Variants in ZNF782 observed in about 807,000 individuals in gnomAD.
The protein encoded by ZNF782 is zinc finger protein 782.
A neutral mutation model predicts 13.0 loss-of-function variants in ZNF782; 12 were observed. That is an observed-to-expected ratio of 0.92 (90% CI 0.59 to 1.50). ZNF782 has a LOEUF of 1.50. Ranked by LOEUF, ZNF782 falls within the 40% of genes most tolerant of loss-of-function variation. The probability of loss-of-function intolerance (pLI) is 0.00; values close to 1 mark genes in which losing one functional copy is unlikely to be tolerated. For synonymous variants in ZNF782, 284 were observed against 283.0 expected, an observed-to-expected ratio of 1.00 and a Z score of -0.04; for missense variants, 770 against 822.9, an observed-to-expected ratio of 0.94 and a Z score of 0.79.
the ZNF782 span, chr9:96,892,633 C>T: frequency 6.6e-6 from 1 of 152,224 alleles, no homozygotes; most frequent in Non-Finnish European, 1.5e-5. Flanking sequence ...CTTCCTCCTC[C>T]TCCTTCTCCT....
At chr9:96,846,580 A>G (rs183484654) in intron 3 of ZNF782, among the ~76,000 whole-genome samples, 3 of 152,264 alleles carry the variant, frequency 2.0e-5, no homozygotes, top group Non-Finnish European at 2.9e-5. Flanking sequence ...AAAGAAAATC[A>G]GTAAAAAAAA....
At chr9:96,826,210 T>C (rs1850614547) in intron 5 of ZNF782, among the ~76,000 whole-genome samples, 2 of 152,200 alleles carry the variant, frequency 1.3e-5, no homozygotes, top group Non-Finnish European at 2.9e-5. Flanking sequence ...CATGGAATAC[T>C]ATGCAGCCAT....
At chr9:96,931,919 G>A in the ZNF782 span, 214 of 1,612,072 alleles carry the variant, frequency 1.3e-4, no homozygotes, top group South Asian at 4.5e-4. Context: ...GGATGGCCGC[G>A]GCCCAAGTGG....
Position 96,818,012 on chromosome 9 carries a change from C to A in ZNF782, c.2011G>T (p.Glu671Ter). The A allele has an allele frequency of 6.2e-7, 1 of 1,613,940 alleles. No individual in the cohort carries two copies. The highest frequency in any genetic ancestry group is 1.1e-5 in the South Asian group (1 of 91,028). Reference protein sequence around the residue: ...LRVHQRTHTGEKPYKCDKCGR... With the variant: ...LRVHQRTHTG ...CATTTATCACATTTATAGGGTTTCT[C>A]CCCTGTGTGAGTTCTCTGATGTACT... The change falls in exon 6 of 6, where the codon GAG becomes TAG. Residue 671 changes from glutamate to a stop codon, truncating the protein, a stop_gained. Coordinates refer to ENST00000481138, the MANE Select transcript of ZNF782 (RefSeq NM_001001662.3). LOFTEE classifies it low-confidence loss of function (END_TRUNC).
chr9:96,901,270 C>CTTTTTT, the ZNF782 span, among the ~76,000 whole-genome samples: 3 of 126,912 alleles, frequency 2.4e-5, no homozygotes, highest in Admixed American at 7.9e-5. Context: ...TGAAAAAAAA[C>CTTTTTT]TTTTTTTTTT....
intron 3 of ZNF782, among the ~76,000 whole-genome samples, chr9:96,845,464 G>A (rs147895688): frequency 0.012 from 1,853 of 152,192 alleles, 39 homozygotes; most frequent in African/African-American, 0.043. Context: ...TCACCATGTT[G>A]GCCAGGATGG....
chr9:96,878,414 A>G (rs1355030221), upstream of ZNF782, among the ~76,000 whole-genome samples: 1 of 152,228 alleles, frequency 6.6e-6, no homozygotes, highest in African/African-American at 2.4e-5. Flanking sequence ...GACACTGCAA[A>G]TTTGATTATA....
At chr9:96,880,811 G>A in the ZNF782 span, among the ~76,000 whole-genome samples, 3 of 152,126 alleles carry the variant, frequency 2.0e-5, no homozygotes, top group Non-Finnish European at 4.4e-5. Flanking sequence ...AAGCTGGGAA[G>A]TGTTCTCTCC....
intron 4 of ZNF782, among the ~76,000 whole-genome samples, chr9:96,835,267 G>A (rs1040384609): frequency 1.3e-5 from 2 of 152,148 alleles, no homozygotes; most frequent in Admixed American, 1.3e-4. Context: ...ATCTAAAGAT[G>A]GAATTTATAA....
the ZNF782 span, among the ~76,000 whole-genome samples, chr9:96,931,387 CGA>C: frequency 4.6e-5 from 7 of 152,018 alleles, no homozygotes; most frequent in Admixed American, 2.0e-4. Context: ...ACCAAGCCAC[CGA>C]GAGACTCATC....
chr9:96,831,970 A>G (rs1478892507), intron 4 of ZNF782, among the ~76,000 whole-genome samples: 5 of 152,096 alleles, frequency 3.3e-5, no homozygotes. Flanking sequence ...TCTGTCTTTT[A>G]ATTAGTATAT....
the ZNF782 span, among the ~76,000 whole-genome samples, chr9:96,902,129 A>C: frequency 6.6e-6 from 1 of 151,900 alleles, no homozygotes; most frequent in African/African-American, 2.4e-5. Flanking sequence ...ATGAGGTCAA[A>C]AGTATTCTCA....
chr9:96,893,844 C>T, the ZNF782 span: 3 of 143,662 alleles, frequency 2.1e-5, no homozygotes, highest in Non-Finnish European at 4.4e-5. Flanking sequence ...ACTAAAAATA[C>T]AAAAAATTAG....
intron 3 of ZNF782, among the ~76,000 whole-genome samples, chr9:96,845,684 C>T (rs1851324254): frequency 6.6e-6 from 1 of 152,080 alleles, no homozygotes; most frequent in Non-Finnish European, 1.5e-5. Context: ...AACAAAGTCT[C>T]CAAGAAATAT....
intron 1 of ZNF782, among the ~76,000 whole-genome samples, chr9:96,863,261 C>A (rs1381934667): frequency 6.6e-6 from 1 of 151,592 alleles, no homozygotes; most frequent in Non-Finnish European, 1.5e-5. Context: ...TATTTTCTTT[C>A]AGGAACATTA....
chr9:96,888,475 T>A, the ZNF782 span: 2 of 152,134 alleles, frequency 1.3e-5, no homozygotes, highest in African/African-American at 4.8e-5. Flanking sequence ...TTCTCAGCAA[T>A]TGATAAAACT....
intron 4 of ZNF782, among the ~76,000 whole-genome samples, 177 bp downstream of exon 4, chr9:96,844,713 C>A (rs1403278143): frequency 6.6e-6 from 1 of 152,126 alleles, no homozygotes; most frequent in Admixed American, 6.5e-5. Flanking sequence ...GATTTGTACA[C>A]TGAAAGGTGC....
chr9:96,866,510 G>A (rs1263089914), intron 1 of ZNF782, among the ~76,000 whole-genome samples: 2 of 152,204 alleles, frequency 1.3e-5, no homozygotes, highest in Non-Finnish European at 2.9e-5. Context: ...TGCTGCTGGG[G>A]TGGGGCCCTC....
chr9:96,823,359 G>C (rs1014360837), intron 5 of ZNF782, among the ~76,000 whole-genome samples: 1 of 152,192 alleles, frequency 6.6e-6, no homozygotes, highest in African/African-American at 2.4e-5. Flanking sequence ...TAAAGTCTAT[G>C]TGACCTAATA....
Sources: gnomAD v4.1 joint callset for allele counts (sites outside exome capture counted in the v4.1 genomes callset) on GRCh38, gnomAD v4.1.1 for gene constraint, MANE v1.5 for transcripts, NCBI Gene and HGNC (gene_info 2026-07-23, HGNC 2026-07-21) for gene names.